PLEKHM3: variants seen among roughly 807,000 people sequenced by gnomAD.
The protein encoded by PLEKHM3 is pleckstrin homology domain containing M3.
Under a neutral mutation model 81.8 loss-of-function variants are expected in PLEKHM3, and 45 were observed. That is an observed-to-expected ratio of 0.55 (90% CI 0.43 to 0.71). The LOEUF is 0.71. Ranked by LOEUF, PLEKHM3 falls within the 30% of genes least tolerant of loss-of-function variation. The pLI is 0.00. For missense variants in PLEKHM3, 788 were observed against 924.3 expected (o/e 0.85, Z 1.91); for synonymous variants, 352 against 356.4 (o/e 0.99, Z 0.14).
intron 7 of PLEKHM3, 136 bp from the exon 8 acceptor site, chr2:207,828,632 C>T (rs2092266714): frequency 1.3e-6 from 1 of 783,340 alleles, no homozygotes; most frequent in African/African-American, 1.8e-5. Flanking sequence ...AGGGAGATGA[C>T]TCACTGAAAT....
At chr2:207,849,207 A>G (rs1014344950) in intron 7 of PLEKHM3, among the ~76,000 whole-genome samples, 20 of 152,046 alleles carry the variant, frequency 1.3e-4, no homozygotes, top group African/African-American at 4.8e-4. Flanking sequence ...GGTGGTGCAC[A>G]CTTGTAATCC....
At chr2:207,957,163 C>A (rs1315377970) in intron 3 of PLEKHM3, among the ~76,000 whole-genome samples, 2 of 152,016 alleles carry the variant, frequency 1.3e-5, no homozygotes, top group African/African-American at 4.8e-5. Context: ...CTATTTGAAG[C>A]ATTTAATCCA....
chr2:208,002,127 C>T (rs1692329692), intron 1 of PLEKHM3, among the ~76,000 whole-genome samples, 170 bp from the exon 2 acceptor site: 1 of 152,190 alleles, frequency 6.6e-6, no homozygotes, highest in Admixed American at 6.5e-5. Flanking sequence ...TCACTACCCG[C>T]TTTGGATAAA....
intron 5 of PLEKHM3, among the ~76,000 whole-genome samples, chr2:207,930,198 T>C (rs1221051943): frequency 6.6e-6 from 1 of 152,176 alleles, no homozygotes; most frequent in Non-Finnish European, 1.5e-5. Context: ...CACGGTAAGA[T>C]GAAAAGGCAG....
chr2:207,938,931 G>A (rs940383414), intron 4 of PLEKHM3, among the ~76,000 whole-genome samples: 5 of 152,076 alleles, frequency 3.3e-5, no homozygotes, highest in African/African-American at 1.2e-4. Flanking sequence ...AAACAGACTC[G>A]GATCTCCTCC....
At chr2:207,899,390 A>C (rs1287814206) in intron 6 of PLEKHM3, among the ~76,000 whole-genome samples, 1 of 152,262 alleles carries the variant, frequency 6.6e-6, no homozygotes, top group African/African-American at 2.4e-5. Context: ...CCTGGCACAC[A>C]GACAGAGTGC....
At chr2:207,951,047 A>C (rs1690312006) in intron 3 of PLEKHM3, among the ~76,000 whole-genome samples, 1 of 152,262 alleles carries the variant, frequency 6.6e-6, no homozygotes, top group Non-Finnish European at 1.5e-5. Context: ...AGAAGGAAAC[A>C]CGAGTTTTTT....
intron 1 of PLEKHM3, among the ~76,000 whole-genome samples, chr2:208,011,522 C>T (rs1302413247): frequency 6.6e-6 from 1 of 152,008 alleles, no homozygotes; most frequent in Non-Finnish European, 1.5e-5. Flanking sequence ...AAAAACCAAA[C>T]ATCGTATGTT....
Position 207,976,998 on chromosome 2 carries a change from T to A in PLEKHM3, c.1199A>T (p.Asp400Val). ...GTCCACGTTGTAGCTCAACAGTGGA[T>A]CCTCGTCTAGCTTGCCAGGCTGAAA... ...MAFQPGKLDE[D>V]PLLSYNVDVC... is the part of the protein sequence containing the mutation. The change falls in exon 3 of 8, where the codon GAT (aspartate) becomes GTT (valine). Residue 400 changes from aspartate to valine, a missense_variant. By Grantham distance (152) the Asp-to-Val change is radical. Transcript: ENST00000427836. The surrounding 1 kb of genome is among the most constrained non-coding windows in gnomAD (Gnocchi z 4.1). The A allele has an allele frequency of 4.3e-6, 7 of 1,614,168 alleles. No individual in the cohort carries two copies. The highest frequency in any genetic ancestry group is 5.9e-6 in the Non-Finnish European group (7 of 1,180,034).
intron 1 of PLEKHM3, among the ~76,000 whole-genome samples, chr2:208,010,975 A>G (rs1380467162): frequency 6.6e-6 from 1 of 152,056 alleles, no homozygotes; most frequent in Admixed American, 6.6e-5. Flanking sequence ...TACATATATG[A>G]AAAAATGCTC....
intron 3 of PLEKHM3, among the ~76,000 whole-genome samples, chr2:207,955,464 C>T (rs919068483): frequency 1.3e-5 from 2 of 152,090 alleles, no homozygotes; most frequent in African/African-American, 4.8e-5. Context: ...TAAGCAAACA[C>T]CTTATGTAAG....
At chr2:207,933,791 G>A (rs959441928) in intron 4 of PLEKHM3, among the ~76,000 whole-genome samples, 2 of 152,196 alleles carry the variant, frequency 1.3e-5, no homozygotes, top group Non-Finnish European at 2.9e-5. Context: ...TGTCGGAGGC[G>A]CTGCCTTCAC....
At chr2:208,019,643 G>A (rs1484954940) in intron 1 of PLEKHM3, 1 of 152,096 alleles carries the variant, frequency 6.6e-6, no homozygotes, top group African/African-American at 2.4e-5. Context: ...AACATTATCT[G>A]AAAGAGCTCT....
In PLEKHM3 at chr2:207,914,860, C is replaced by T. The variant is rs889658851; in HGVS notation, c.1887-6283G>A. Among the ~76,000 whole-genome samples, 6 of 152,288 alleles carry T rather than the reference C, an allele frequency of 3.9e-5. No homozygotes were observed. In the East Asian group the frequency reaches 5.8e-4, roughly 15 times the overall value. Reference sequence around the variant, plus strand: ...TTAGGGCCTTCTGTGCATTAACTGACGTCACTGTATTGCAGGGGCTATTAA... The same window carrying T: ...TTAGGGCCTTCTGTGCATTAACTGATGTCACTGTATTGCAGGGGCTATTAA... On this transcript the variant is annotated intron_variant, in intron 5 of 7. Transcript: ENST00000427836.
At chr2:208,020,221 A>T (rs1693080211) in intron 1 of PLEKHM3, among the ~76,000 whole-genome samples, 1 of 152,266 alleles carries the variant, frequency 6.6e-6, no homozygotes, top group Non-Finnish European at 1.5e-5. Context: ...AACTGGTTAC[A>T]CTAGTCAGGA....
chr2:207,897,324 C>T (rs754562359), intron 6 of PLEKHM3, among the ~76,000 whole-genome samples: 2 of 152,152 alleles, frequency 1.3e-5, no homozygotes, highest in African/African-American at 4.8e-5. Flanking sequence ...GTCTTGATGA[C>T]GCTGAAGAAA....
At chr2:207,880,758 GTC>G (rs1301155658) in intron 6 of PLEKHM3, among the ~76,000 whole-genome samples, 25 of 1,188 alleles carry the variant, frequency 0.021, no homozygotes, top group African/African-American at 0.033. Flanking sequence ...GCGAGACTCT[GTC>G]TCAAAAAAAA....
intron 7 of PLEKHM3, among the ~76,000 whole-genome samples, chr2:207,840,827 C>CA (rs1221126240): frequency 8.5e-6 from 1 of 118,202 alleles, no homozygotes; most frequent in Non-Finnish European, 1.7e-5. Context: ...TTTTTTGAGA[C>CA]AGAGTCTCTG....
At chr2:207,998,536 T>C (rs1335450120) in intron 2 of PLEKHM3, among the ~76,000 whole-genome samples, 3 of 152,054 alleles carry the variant, frequency 2.0e-5, no homozygotes, top group African/African-American at 7.2e-5. Flanking sequence ...AATAAATAAA[T>C]AAATGGTGGT....
Sources: gnomAD v4.1 joint callset for allele counts (sites outside exome capture counted in the v4.1 genomes callset) on GRCh38, gnomAD v4.1.1 for gene constraint, Gnocchi (gnomAD v3.1) non-coding constraint, MANE v1.5 for transcripts, NCBI Gene and HGNC (gene_info 2026-07-23, HGNC 2026-07-21) for gene names.